Variants in ZNF521 observed in about 807,000 individuals in gnomAD.
ZNF521 encodes the protein LYST-interacting protein 3.
In ZNF521, 14 loss-of-function variants were observed where a neutral mutation model predicts 105.5. The ratio of observed to expected loss-of-function variants is 0.13; its 90% CI spans 0.09 to 0.21. ZNF521 has a LOEUF of 0.21. Ranked by LOEUF, ZNF521 falls within the 10% of genes least tolerant of loss-of-function variation. The pLI is 1.00. For missense variants in ZNF521, 1,233 were observed against 1,629.7 expected (o/e 0.76, Z 4.19); for synonymous variants, 635 against 606.0 (o/e 1.05, Z -0.70).
At chr18:25,333,369 G>T (rs944968897) in intron 2 of ZNF521, among the ~76,000 whole-genome samples, 3 of 151,440 alleles carry the variant, frequency 2.0e-5, no homozygotes, top group Non-Finnish European at 2.9e-5. Context: ...TACGCGGAGG[G>T]AGCATATTCT....
At chr18:25,332,148 T>C (rs1913610157) in intron 2 of ZNF521, among the ~76,000 whole-genome samples, 1 of 151,996 alleles carries the variant, frequency 6.6e-6, no homozygotes, top group South Asian at 2.1e-4. Flanking sequence ...GAAAAATAAT[T>C]TGAAAACAAA....
intron 7 of ZNF521, among the ~76,000 whole-genome samples, chr18:25,076,190 G>T (rs1274696542): frequency 6.6e-6 from 1 of 152,166 alleles, no homozygotes; most frequent in Non-Finnish European, 1.5e-5. Context: ...CAAAAACCTC[G>T]AAAATGGTAA....
intron 3 of ZNF521, among the ~76,000 whole-genome samples, chr18:25,315,101 G>A (rs190944701): frequency 2.8e-4 from 43 of 152,284 alleles, no homozygotes; most frequent in African/African-American, 9.6e-4. Flanking sequence ...AGTAAAATGA[G>A]AGGTTCTCTG....
intron 5 of ZNF521, among the ~76,000 whole-genome samples, chr18:25,162,649 G>A (rs532988157): frequency 6.6e-6 from 1 of 152,210 alleles, no homozygotes; most frequent in East Asian, 1.9e-4. Context: ...TAAAAATGCA[G>A]TGAAAATGAC....
chr18:25,226,099 G>A lies in ZNF521; in HGVS notation c.1819C>T (p.Leu607=). ...GTCTGCTCTATGGCCACAGGAGATA[G>A]GGGGCTTAAGGCCCTGGATTTCTTC... is the stretch of plus-strand genomic sequence containing the variant. ...NGKKSRALSP[L]SPVAIEQTSL... is the part of the protein sequence containing the mutation. The change falls in exon 4 of 8, where the codon CTA becomes TTA. Residue 607 remains leucine (L), a synonymous_variant. Coordinates refer to ENST00000361524, the MANE Select transcript of ZNF521 (RefSeq NM_015461.3). The surrounding 1 kb of genome is among the most constrained non-coding windows in gnomAD (Gnocchi z 4.1). 6.2e-7 allele frequency: 1 copy of A among 1,614,194 alleles called. No homozygotes were observed. Among genetic ancestry groups the A allele is most frequent in the Non-Finnish European group, 8.5e-7 (1 of 1,180,026 alleles).
At chr18:25,248,919 G>C in intron 3 of ZNF521, among the ~76,000 whole-genome samples, 1 of 152,162 alleles carries the variant, frequency 6.6e-6, no homozygotes, top group East Asian at 1.9e-4. Flanking sequence ...AGTTTTACTG[G>C]AACACAGCCA....
At chr18:25,121,437 G>A (rs1053569909) in intron 5 of ZNF521, among the ~76,000 whole-genome samples, 1 of 151,942 alleles carries the variant, frequency 6.6e-6, no homozygotes. Context: ...ATTTTCAGTA[G>A]AGACGGGGTT....
At chr18:25,067,563 C>T (rs1410080050) in intron 7 of ZNF521, among the ~76,000 whole-genome samples, 1 of 152,122 alleles carries the variant, frequency 6.6e-6, no homozygotes, top group African/African-American at 2.4e-5. Context: ...ATTTAAAATG[C>T]AATCCAAGAA....
At position 25,350,418 on chromosome 18, in the gene ZNF521, G is replaced by A. The variant is rs537642253; in HGVS notation, c.40+489C>T. 3.8e-4 allele frequency among the ~76,000 whole-genome samples: 58 copies of A among 152,166 alleles called. No individual in the cohort carries two copies. The South Asian group carries it at 0.012, about 31-fold the overall frequency. On this transcript the variant is annotated intron_variant, in intron 2 of 7. Transcript: ENST00000361524. The stretch of plus-strand genomic sequence containing the variant: ...GGCGGGAGGCGGCGGCCGGGACCCC[G>A]GGCCACGTTTGTCACGAGCGGGGGC...
At chr18:25,166,898 A>AT (rs1355870156) in intron 5 of ZNF521, among the ~76,000 whole-genome samples, 1 of 152,242 alleles carries the variant, frequency 6.6e-6, no homozygotes, top group Admixed American at 6.5e-5. Flanking sequence ...TGTTGAAGAT[A>AT]TGGATTAACC....
intron 5 of ZNF521, among the ~76,000 whole-genome samples, chr18:25,131,715 G>A (rs2034644570): frequency 6.6e-6 from 1 of 152,046 alleles, no homozygotes; most frequent in African/African-American, 2.4e-5. Context: ...ACATCGGGAG[G>A]TGAATCTTCA....
chr18:25,160,045 A>G (rs1359646328), intron 5 of ZNF521, among the ~76,000 whole-genome samples: 1 of 152,224 alleles, frequency 6.6e-6, no homozygotes, highest in Non-Finnish European at 1.5e-5. Flanking sequence ...AGATGGGAAG[A>G]TGAGGGTATG....
At chr18:25,272,075 C>A (rs1909699673) in intron 3 of ZNF521, among the ~76,000 whole-genome samples, 1 of 152,058 alleles carries the variant, frequency 6.6e-6, no homozygotes, top group Non-Finnish European at 1.5e-5. Flanking sequence ...AAGAAAAAAA[C>A]AACCCCATCA....
intron 7 of ZNF521, among the ~76,000 whole-genome samples, chr18:25,081,779 C>CTAAA (rs2144171697): frequency 6.6e-6 from 1 of 152,280 alleles, no homozygotes; most frequent in African/African-American, 2.4e-5. Flanking sequence ...ATTATGAATG[C>CTAAA]TATACAACTG....
intron 2 of ZNF521, among the ~76,000 whole-genome samples, chr18:25,345,908 T>A (rs2145222499): frequency 6.6e-6 from 1 of 152,316 alleles, no homozygotes; most frequent in African/African-American, 2.4e-5. Flanking sequence ...CTTTTTAGCA[T>A]ACAAGTCCAA....
At chr18:25,062,793 GA>G in intron 7 of ZNF521, 52 bp from the exon 8 acceptor site, 1 of 1,342,846 alleles carries the variant, frequency 7.4e-7, no homozygotes, top group Non-Finnish European at 9.8e-7. Flanking sequence ...AAAGAGAAGA[GA>G]GGGAAAACAA....
At chr18:25,237,664 A>T (rs928904099) in intron 3 of ZNF521, among the ~76,000 whole-genome samples, 32 of 152,190 alleles carry the variant, frequency 2.1e-4, no homozygotes, top group African/African-American at 6.8e-4. Flanking sequence ...AAAGATATAA[A>T]ACCTACCAGC....
chr18:25,282,221 A>G (rs1353053844), intron 3 of ZNF521, among the ~76,000 whole-genome samples: 1 of 152,182 alleles, frequency 6.6e-6, no homozygotes, highest in East Asian at 1.9e-4. Context: ...TTCTTCCAAA[A>G]CATCCCAAAA....
chr18:25,314,018 A>C (rs574858778), intron 3 of ZNF521, among the ~76,000 whole-genome samples: 1 of 152,320 alleles, frequency 6.6e-6, no homozygotes, highest in East Asian at 1.9e-4. Flanking sequence ...ACATAAATTA[A>C]TAACACTTAA....
Sources: gnomAD v4.1 joint callset for allele counts (sites outside exome capture counted in the v4.1 genomes callset) on GRCh38, gnomAD v4.1.1 for gene constraint, Gnocchi (gnomAD v3.1) non-coding constraint, MANE v1.5 for transcripts, NCBI Gene and HGNC (gene_info 2026-07-23, HGNC 2026-07-21) for gene names.